Variants in ZDHHC21 observed in about 807,000 individuals in gnomAD.
The protein encoded by ZDHHC21 is zDHHC palmitoyltransferase 21.
In ZDHHC21, 15 loss-of-function variants were observed where a neutral mutation model predicts 34.6. That is an observed-to-expected ratio of 0.43 (90% confidence interval 0.29 to 0.67). The LOEUF (loss-of-function observed/expected upper bound fraction) is 0.67, where lower values mean the gene tolerates loss of function less well. ZDHHC21 is among the 30% of genes least tolerant of loss of function. The probability of loss-of-function intolerance (pLI) is 0.14; values close to 1 mark genes in which losing one functional copy is unlikely to be tolerated. For missense variants in ZDHHC21, 344 were observed against 327.7 expected (o/e 1.05, Z -0.38); for synonymous variants, 142 against 101.8 (o/e 1.40, Z -2.38).
Position 14,611,512 on chromosome 9 carries a change from A to G in ZDHHC21, c.*7454T>C, listed in dbSNP as rs1586832258. 2 of 152,192 alleles carry G rather than the reference A, an allele frequency of 1.3e-5. No individual in the cohort carries two copies. The highest frequency in any genetic ancestry group is 6.6e-5 in the Admixed American group (1 of 15,244). The allele number at this position is 152,192 out of a possible 1,614,324, so 9.4% of individuals were successfully genotyped here. A position where few individuals can be genotyped will look rare whatever the true frequency, so the allele number is the denominator to read the frequency against. ...AGGAAAACAGCACTCAGATCTATAC[A>G]TATTATGTACTGAATAATAAAATGC... On this transcript the variant is annotated 3_prime_UTR_variant, in exon 10 of 10. Coordinates refer to ENST00000380916, the MANE Select transcript of ZDHHC21 (RefSeq NM_178566.6).
At chr9:14,664,833 C>T (rs1240378182) in intron 5 of ZDHHC21, among the ~76,000 whole-genome samples, 1 of 150,898 alleles carries the variant, frequency 6.6e-6, no homozygotes, top group Non-Finnish European at 1.5e-5. Flanking sequence ...ACATCCACAC[C>T]GAAAACCCAT....
intron 8 of ZDHHC21, among the ~76,000 whole-genome samples, chr9:14,634,528 A>G (rs1444620720): frequency 6.6e-6 from 1 of 152,118 alleles, no homozygotes; most frequent in East Asian, 1.9e-4. Flanking sequence ...GCAAAATTTC[A>G]CCACAACATC....
intron 8 of ZDHHC21, among the ~76,000 whole-genome samples, chr9:14,633,942 C>T (rs1827817426): frequency 6.6e-6 from 1 of 152,208 alleles, no homozygotes; most frequent in South Asian, 2.1e-4. Flanking sequence ...CCCACCAATG[C>T]CTACCACAGC....
At chr9:14,608,089 G>A (rs952725085), downstream of ZDHHC21, among the ~76,000 whole-genome samples, 2 of 151,990 alleles carry the variant, frequency 1.3e-5, no homozygotes, top group African/African-American at 4.8e-5. Flanking sequence ...CCTTCATACT[G>A]GTTACTTCTA....
chr9:14,667,411 T>C lies in ZDHHC21; in HGVS notation c.254-5085A>G, dbSNP rs947425927. Among the ~76,000 whole-genome samples, 390 of 152,144 alleles carry C rather than the reference T, an allele frequency of 2.6e-3. 1 individual carries two copies. Among genetic ancestry groups the C allele is most frequent in the African/African-American group, 8.9e-3 (367 of 41,464 alleles). On this transcript the variant is annotated intron_variant, in intron 5 of 9. Transcript: ENST00000380916. The stretch of plus-strand genomic sequence containing the variant: ...ACCAGATGGATTCACAGCCAAATTC[T>C]ACCAGAGGTACAAGGAGGAACTGAT...
chr9:14,673,849 ATTC>A (rs1205165558), intron 4 of ZDHHC21, among the ~76,000 whole-genome samples: 2 of 152,058 alleles, frequency 1.3e-5, no homozygotes, highest in African/African-American at 4.8e-5. Flanking sequence ...TACTGTCTCT[ATTC>A]TTAAAACATC....
Position 14,658,757 on chromosome 9 carries a change from G to T in ZDHHC21, c.496C>A (p.Arg166Ser). 3.7e-6 allele frequency: 6 copies of T among 1,613,162 alleles called. No homozygotes were observed. The highest frequency in any genetic ancestry group is 5.1e-6 in the Non-Finnish European group (6 of 1,179,704). Residue 166 changes from arginine (R) to serine (S), a missense_variant, in exon 7 of 10, where the codon CGT becomes AGT. Physicochemically the swap from Arg to Ser is moderately radical, Grantham distance 110 (BLOSUM62 -1). Transcript: ENST00000380916. ...HYYYFLPLKK[R>S]NLDLFVFRHE... ...ATATAAACATTTCTTACCAAATTAC[G>T]CTTTTTTAGTGGAAGAAAATAGTAA...
At chr9:14,591,192 G>C in the ZDHHC21 span, among the ~76,000 whole-genome samples, 2 of 152,056 alleles carry the variant, frequency 1.3e-5, no homozygotes, top group African/African-American at 4.8e-5. Context: ...ACAAAGAACA[G>C]ATAGAACACT....
chr9:14,685,410 T>A (rs1356779735), intron 2 of ZDHHC21, among the ~76,000 whole-genome samples: 2 of 150,630 alleles, frequency 1.3e-5, no homozygotes, highest in Non-Finnish European at 3.0e-5. Context: ...AACAGACACT[T>A]CTCAAAAGAA....
intron 5 of ZDHHC21, 27 bp from the exon 6 acceptor site, chr9:14,662,353 T>C: frequency 6.4e-7 from 1 of 1,554,646 alleles, no homozygotes; most frequent in African/African-American, 1.4e-5. Context: ...AAAATCCATT[T>C]AATGAAGGCA....
intron 7 of ZDHHC21, among the ~76,000 whole-genome samples, chr9:14,640,582 C>T (rs1829208861): frequency 6.6e-6 from 1 of 152,050 alleles, no homozygotes; most frequent in South Asian, 2.1e-4. Flanking sequence ...GTCACCCAAC[C>T]ACCATTGCCA....
chr9:14,683,080 G>T lies in ZDHHC21; in HGVS notation c.-175-2918C>A, dbSNP rs183104825. ...TAGCACTAAATGCCCACAAGAGAAA[G>T]CAGGGAAGATCTAAAATTGACACCC... On this transcript the variant is annotated intron_variant, in intron 2 of 9. Transcript: ENST00000380916. Among the ~76,000 whole-genome samples, 27 of 152,216 alleles carry T rather than the reference G, an allele frequency of 1.8e-4. 1 individual carries two copies. The East Asian group carries it at 5.2e-3, about 29-fold the overall frequency.
At chr9:14,650,430 A>G (rs1831041571) in intron 7 of ZDHHC21, among the ~76,000 whole-genome samples, 1 of 151,980 alleles carries the variant, frequency 6.6e-6, no homozygotes, top group Non-Finnish European at 1.5e-5. Context: ...TCTTTCCAAA[A>G]ATCTAAAAAG....
the ZDHHC21 span, among the ~76,000 whole-genome samples, chr9:14,601,957 G>C: frequency 1.3e-5 from 2 of 152,076 alleles, no homozygotes; most frequent in African/African-American, 4.8e-5. Context: ...GAAAATATAT[G>C]GACACACGGA....
the ZDHHC21 span, chr9:14,589,696 T>A: frequency 6.6e-6 from 1 of 152,000 alleles, no homozygotes; most frequent in Admixed American, 6.6e-5. Context: ...GACATTCAAA[T>A]TGAACACATG....
chr9:14,684,646 C>G (rs1355823105), intron 2 of ZDHHC21, among the ~76,000 whole-genome samples: 1 of 151,906 alleles, frequency 6.6e-6, no homozygotes, highest in Non-Finnish European at 1.5e-5. Context: ...TTTACAGATT[C>G]AATGCCATCC....
intron 8 of ZDHHC21, among the ~76,000 whole-genome samples, chr9:14,638,129 T>A (rs1828633502): frequency 6.6e-6 from 1 of 151,986 alleles, no homozygotes; most frequent in African/African-American, 2.4e-5. Flanking sequence ...AAGTATATTA[T>A]GAGGCTACAG....
the ZDHHC21 span, among the ~76,000 whole-genome samples, chr9:14,594,872 G>C: frequency 1.3e-5 from 2 of 152,032 alleles, no homozygotes; most frequent in Non-Finnish European, 2.9e-5. Flanking sequence ...ATTTTGAATA[G>C]ACAGTTTATC....
At chr9:14,672,069 C>T (rs191046634) in intron 5 of ZDHHC21, among the ~76,000 whole-genome samples, 2 of 152,140 alleles carry the variant, frequency 1.3e-5, no homozygotes, top group African/African-American at 2.4e-5. Context: ...CAAATTGCCT[C>T]ATATTTAGTG....
Sources: allele counts gnomAD v4.1 joint callset (sites outside exome capture counted in the v4.1 genomes callset), GRCh38; gene constraint gnomAD v4.1.1; transcripts MANE v1.5; gene names NCBI Gene and HGNC (gene_info 2026-07-23, HGNC 2026-07-21).